Variants in RBPMS observed in about 807,000 individuals in gnomAD.
The protein encoded by RBPMS is RNA-binding protein with multiple splicing.
In RBPMS, 7 loss-of-function variants were observed where a neutral mutation model predicts 26.8. The observed-to-expected ratio is 0.26, with a 90% CI of 0.15 to 0.49. The LOEUF is 0.49. Ranked by LOEUF, RBPMS falls within the 20% of genes least tolerant of loss-of-function variation. RBPMS has a pLI of 0.98. For synonymous variants in RBPMS, 96 were observed against 93.3 expected, an observed-to-expected ratio of 1.03 and a Z score of -0.17; for missense variants, 186 against 250.0, an observed-to-expected ratio of 0.74 and a Z score of 1.73.
intron 7 of RBPMS, chr8:30,561,938 T>C: frequency 1.6e-5 from 16 of 985,386 alleles, no homozygotes; most frequent in Non-Finnish European, 1.9e-5. Flanking sequence ...AAATCATTTC[T>C]CACAGACCCT....
chr8:30,501,390 T>C (rs1820542611), intron 4 of RBPMS, among the ~76,000 whole-genome samples: 1 of 151,746 alleles, frequency 6.6e-6, no homozygotes, highest in Admixed American at 6.6e-5. Context: ...CCTGGCTCCC[T>C]GGCATGAAAC....
Position 30,384,913 on chromosome 8 carries a change from CG to C in RBPMS, c.-177del. 1 of 378,058 alleles carries C rather than the reference CG, an allele frequency of 2.6e-6. No homozygotes were observed. 23.4% of individuals were successfully genotyped at this position (378,058 alleles called of 1,614,324 possible). A position where few individuals can be genotyped will look rare whatever the true frequency, so the allele number is the denominator to read the frequency against. ...CGCCGCCGCCGTCGCAGACTCGCCG[CG>C]GGAGCCCCAGCCCAACCCGAGCCCG... On this transcript the variant is annotated 5_prime_UTR_variant, in exon 1 of 9. Coordinates refer to ENST00000397323, the MANE Select transcript of RBPMS (RefSeq NM_001008710.3). This position sits in a 1 kb window ranked among gnomAD's most constrained non-coding sequence, Gnocchi z 5.6.
chr8:30,466,026 T>A (rs1816457552), intron 1 of RBPMS, among the ~76,000 whole-genome samples: 1 of 152,166 alleles, frequency 6.6e-6, no homozygotes, highest in Admixed American at 6.5e-5. Context: ...TAGTCTTCCT[T>A]CTTCCCATTA....
At chr8:30,428,273 G>A (rs942440822) in intron 1 of RBPMS, among the ~76,000 whole-genome samples, 3 of 151,646 alleles carry the variant, frequency 2.0e-5, no homozygotes, top group African/African-American at 4.8e-5. Flanking sequence ...CGCCTGCCTC[G>A]TCCTCCCAAA....
chr8:30,531,157 A>G (rs1057303649), intron 5 of RBPMS, among the ~76,000 whole-genome samples: 7 of 152,130 alleles, frequency 4.6e-5, no homozygotes, highest in African/African-American at 1.7e-4. Context: ...AAAACTTTAT[A>G]TGACCATCTT....
At chr8:30,388,203 A>G (rs1242033949) in intron 1 of RBPMS, among the ~76,000 whole-genome samples, 2 of 152,018 alleles carry the variant, frequency 1.3e-5, no homozygotes, top group Non-Finnish European at 2.9e-5. Context: ...AGGTTTGTTT[A>G]TATATGTTTA....
At chr8:30,475,207 G>A (rs34960391) in intron 2 of RBPMS, among the ~76,000 whole-genome samples, 29,646 of 152,034 alleles carry the variant, frequency 0.19, 3,256 homozygotes, top group South Asian at 0.39. Flanking sequence ...TTCAAACAAA[G>A]TAAAACAAAA....
At position 30,384,926 on chromosome 8, in the gene RBPMS, C is replaced by A; in HGVS notation, c.-167C>A. The A allele has an allele frequency of 2.4e-6, 1 of 411,650 alleles. No individual in the cohort carries two copies. The highest frequency in any genetic ancestry group is 7.9e-5 in the South Asian group (1 of 12,712). The allele number at this position is 411,650 out of a possible 1,614,324, so 25.5% of individuals were successfully genotyped here. On this transcript the variant is annotated 5_prime_UTR_variant, in exon 1 of 9. Coordinates refer to ENST00000397323, the MANE Select transcript of RBPMS (RefSeq NM_001008710.3). This position sits in a 1 kb window ranked among gnomAD's most constrained non-coding sequence, Gnocchi z 5.6. ...GCAGACTCGCCGCGGGAGCCCCAGC[C>A]CAACCCGAGCCCGACAGCCACTGCC... is the stretch of plus-strand genomic sequence containing the variant.
chr8:30,535,601 C>T (rs1207389358), intron 5 of RBPMS, among the ~76,000 whole-genome samples: 6 of 152,172 alleles, frequency 3.9e-5, no homozygotes, highest in Non-Finnish European at 8.8e-5. Context: ...ACTTTAATAA[C>T]ATTTCTTTAG....
chr8:30,416,321 G>A (rs1364150508), intron 1 of RBPMS, among the ~76,000 whole-genome samples: 2 of 152,076 alleles, frequency 1.3e-5, no homozygotes, highest in African/African-American at 4.8e-5. Context: ...TTTTGTTGTT[G>A]TTGTCCTTTG....
At chr8:30,385,214 C>A in intron 1 of RBPMS, 56 bp downstream of exon 1, 2 of 1,270,806 alleles carry the variant, frequency 1.6e-6, no homozygotes, top group East Asian at 6.4e-5. Context: ...TGCGGGCGGC[C>A]GGCGGGGCGC....
At chr8:30,446,826 TGTGTGTGTGTGTGTGTGCGCGCGCGCGC>T (rs1428217426) in intron 1 of RBPMS, 4 of 98,826 alleles carry the variant, frequency 4.0e-5, no homozygotes, top group African/African-American at 1.6e-4. Context: ...TGTGTGTGTG[TGTGTGTGTGTGTGTGTGCGCGCGCGCGC>T]GCGCGGTGGA....
intron 1 of RBPMS, among the ~76,000 whole-genome samples, chr8:30,410,700 T>A (rs187722827): frequency 6.6e-6 from 1 of 151,300 alleles, no homozygotes; most frequent in African/African-American, 2.4e-5. Flanking sequence ...ATAACTGACA[T>A]TGAAATTTTC....
At chr8:30,510,656 C>T (rs1303603150) in intron 5 of RBPMS, among the ~76,000 whole-genome samples, 1 of 152,114 alleles carries the variant, frequency 6.6e-6, no homozygotes, top group Non-Finnish European at 1.5e-5. Flanking sequence ...AATCATGGCT[C>T]CCTGCAGCTT....
chr8:30,495,329 C>G (rs1370685447), intron 4 of RBPMS, among the ~76,000 whole-genome samples: 1 of 148,784 alleles, frequency 6.7e-6, no homozygotes, highest in Admixed American at 6.7e-5. Context: ...AAACTGACTT[C>G]AAGATATGTG....
chr8:30,479,864 T>C (rs1397469088), intron 4 of RBPMS, among the ~76,000 whole-genome samples: 1 of 152,016 alleles, frequency 6.6e-6, no homozygotes, highest in Non-Finnish European at 1.5e-5. Context: ...AAAATTTACA[T>C]ATAAGGCTTT....
intron 4 of RBPMS, among the ~76,000 whole-genome samples, chr8:30,486,241 G>A (rs1202834988): frequency 6.6e-6 from 1 of 152,016 alleles, no homozygotes; most frequent in African/African-American, 2.4e-5. Context: ...TTAGGAGACT[G>A]AGGCACGAGA....
chr8:30,394,095 A>G (rs1046462852), intron 1 of RBPMS, among the ~76,000 whole-genome samples: 1 of 15,934 alleles, frequency 6.3e-5, no homozygotes, highest in African/African-American at 2.9e-4. Context: ...TTTAAAATGC[A>G]AAGGGAATGC....
chr8:30,484,600 A>T (rs1487541835), intron 4 of RBPMS, among the ~76,000 whole-genome samples: 1 of 152,226 alleles, frequency 6.6e-6, no homozygotes, highest in Admixed American at 6.5e-5. Flanking sequence ...GAAAAACTGT[A>T]TGTAAACTAA....
Sources: allele counts gnomAD v4.1 joint callset (sites outside exome capture counted in the v4.1 genomes callset), GRCh38; gene constraint gnomAD v4.1.1; non-coding constraint Gnocchi (gnomAD v3.1); transcripts MANE v1.5; gene names NCBI Gene and HGNC (gene_info 2026-07-23, HGNC 2026-07-21).